ARHGAP39: variants seen among roughly 807,000 people sequenced by gnomAD.
ARHGAP39 encodes rho GTPase-activating protein 39.
ARHGAP39 carries 44 observed loss-of-function variants against 106.9 expected under a neutral mutation model. The ratio of observed to expected loss-of-function variants is 0.41; its 90% CI spans 0.32 to 0.53. The LOEUF (loss-of-function observed/expected upper bound fraction) is 0.53, where lower values mean the gene tolerates loss of function less well. Among genes scored for constraint, ARHGAP39 ranks in the 20% least tolerant of loss-of-function variants. The probability of loss-of-function intolerance (pLI) is 0.21; values close to 1 mark genes in which losing one functional copy is unlikely to be tolerated. For synonymous variants in ARHGAP39, 768 were observed against 693.2 expected, an observed-to-expected ratio of 1.11 and a Z score of -1.69; for missense variants, 1,496 against 1,577.3, an observed-to-expected ratio of 0.95 and a Z score of 0.87.
chr8:144,626,835 G>A (rs1035621536), intron 1 of ARHGAP39, among the ~76,000 whole-genome samples: 3 of 152,158 alleles, frequency 2.0e-5, no homozygotes, highest in Non-Finnish European at 4.4e-5. Context: ...TCCCCCTCCT[G>A]ACACTTGAGT....
intron 1 of ARHGAP39, among the ~76,000 whole-genome samples, chr8:144,685,259 ACTCACT>A: frequency 7.6e-6 from 1 of 132,090 alleles, no homozygotes; most frequent in South Asian, 2.6e-4. Flanking sequence ...GCACACTCAC[ACTCACT>A]CTGGACAGGG....
In ARHGAP39 at chr8:144,605,540, G is replaced by A; in HGVS notation, c.75C>T (p.Asn25=). ...CAGGTCGGTCGGCTCCTTACCGAGT[G>A]TTCGACCCTGGAATCCTCGACTCCG... ...DLPESRIPGS[N]TRLEWVEIIE... Residue 25 remains asparagine, a synonymous_variant, in exon 2 of 12, where the codon AAC becomes AAT. Transcript: ENST00000377307. 2.5e-6 allele frequency: 4 copies of A among 1,613,880 alleles called. No homozygotes were observed. Among genetic ancestry groups the A allele is most frequent in the Non-Finnish European group, 3.4e-6 (4 of 1,180,026 alleles).
chr8:144,577,372 G>A (rs2130893995), intron 3 of ARHGAP39, among the ~76,000 whole-genome samples: 1 of 152,230 alleles, frequency 6.6e-6, no homozygotes, highest in Non-Finnish European at 1.5e-5. Flanking sequence ...ATACAGAAAA[G>A]GCATTGACAA....
At chr8:144,689,291 C>G (rs1035269804), upstream of ARHGAP39, among the ~76,000 whole-genome samples, 5 of 152,066 alleles carry the variant, frequency 3.3e-5, no homozygotes, top group Non-Finnish European at 4.4e-5. Context: ...AGCCATCACA[C>G]CACTCCCAGC....
chr8:144,553,792 C>T lies in ARHGAP39; in HGVS notation c.596+1768G>A, dbSNP rs113944000. Among the ~76,000 whole-genome samples, 670 of 152,378 alleles carry T rather than the reference C, an allele frequency of 4.4e-3. 6 individuals are homozygous for T. The highest frequency in any genetic ancestry group is 0.015 in the African/African-American group (633 of 41,588). ...GCCAGGGATCACCCTCAGGGATGCA[C>T]GGCACTACTGACAGCAAACACTGGG... is the stretch of plus-strand genomic sequence containing the variant. On this transcript the variant is annotated intron_variant, in intron 4 of 11. Transcript: ENST00000377307.
intron 1 of ARHGAP39, among the ~76,000 whole-genome samples, chr8:144,676,969 C>G (rs1822259337): frequency 6.6e-6 from 1 of 152,268 alleles, no homozygotes; most frequent in African/African-American, 2.4e-5. Context: ...AGGGTTTCAC[C>G]ATGTTGGTCA....
chr8:144,530,991 A>C, intron 10 of ARHGAP39, 120 bp from the exon 11 acceptor site: 37 of 1,290,964 alleles, frequency 2.9e-5, no homozygotes, highest in Non-Finnish European at 3.3e-5. Flanking sequence ...GGGCCGGCTC[A>C]TTCTGGACAG....
chr8:144,659,369 A>T (rs1337645430), intron 1 of ARHGAP39, among the ~76,000 whole-genome samples: 1 of 152,200 alleles, frequency 6.6e-6, no homozygotes, highest in Non-Finnish European at 1.5e-5. Flanking sequence ...TTCTTAACAC[A>T]ATTAGATATG....
intron 1 of ARHGAP39, among the ~76,000 whole-genome samples, chr8:144,658,976 CA>C: frequency 6.6e-6 from 1 of 152,152 alleles, no homozygotes; most frequent in East Asian, 1.9e-4. Flanking sequence ...GGACCTGAAT[CA>C]TGGGGAGGTG....
At chr8:144,678,642 A>C (rs1822306170) in intron 1 of ARHGAP39, among the ~76,000 whole-genome samples, 1 of 152,102 alleles carries the variant, frequency 6.6e-6, no homozygotes, top group South Asian at 2.1e-4. Context: ...CAGCAGAGTC[A>C]CTCGCCTAGA....
At chr8:144,626,925 G>C (rs1820933089) in intron 1 of ARHGAP39, among the ~76,000 whole-genome samples, 1 of 152,234 alleles carries the variant, frequency 6.6e-6, no homozygotes, top group Non-Finnish European at 1.5e-5. Context: ...GCCCCCACAA[G>C]ACATCCCTGA....
intron 1 of ARHGAP39, among the ~76,000 whole-genome samples, chr8:144,634,125 G>A (rs62529931): frequency 0.011 from 1,705 of 151,046 alleles, 32 homozygotes; most frequent in Non-Finnish European, 0.016. Context: ...CTCTGCTGGC[G>A]CATTCTCCAC....
At chr8:144,665,423 T>TC (rs1180518368) in intron 1 of ARHGAP39, among the ~76,000 whole-genome samples, 1 of 152,134 alleles carries the variant, frequency 6.6e-6, no homozygotes, top group Non-Finnish European at 1.5e-5. Flanking sequence ...TGAATGTCAA[T>TC]CCCCAAGACC....
rs534007742 is a variant in ARHGAP39, at chr8:144,542,602, TTTTC to T, written c.2521+2643_2521+2646del. On this transcript the variant is annotated intron_variant, in intron 6 of 11. Transcript: ENST00000377307. ...TCCTTTCTCTTCTCTTCCTTCCTGC[TTTTC>T]TTTCTTTCTTTTTCCTACCCGCCCC... Among the ~76,000 whole-genome samples the T allele has an allele frequency of 6.8e-4, 104 of 152,236 alleles. 1 individual carries two copies. The highest frequency in any genetic ancestry group is 1.1e-3 in the Non-Finnish European group (72 of 68,002).
chr8:144,692,026 C>T, the ARHGAP39 span, among the ~76,000 whole-genome samples: 1 of 152,160 alleles, frequency 6.6e-6, no homozygotes, highest in African/African-American at 2.4e-5. Context: ...ACACAGGCTC[C>T]TAAAACTGAA....
chr8:144,695,456 G>A, the ARHGAP39 span, among the ~76,000 whole-genome samples: 2 of 149,062 alleles, frequency 1.3e-5, no homozygotes, highest in Admixed American at 1.3e-4. Flanking sequence ...CGAGGCCCAG[G>A]GACTGTCTCT....
intron 2 of ARHGAP39, among the ~76,000 whole-genome samples, chr8:144,600,964 G>C (rs905972921): frequency 2.7e-5 from 4 of 149,516 alleles, no homozygotes; most frequent in Non-Finnish European, 5.9e-5. Context: ...GTATACCTGT[G>C]TGCATGTGCG....
chr8:144,647,031 C>T lies in ARHGAP39; in HGVS notation c.-82+38655G>A, dbSNP rs143074367. Among the ~76,000 whole-genome samples, 43 of 149,906 alleles carry T rather than the reference C, an allele frequency of 2.9e-4. No individual in the cohort carries two copies. The East Asian group carries it at 6.0e-3, about 21-fold the overall frequency. ...ATAGCCAGGCTGGAGTACAACGACA[C>T]CATCTCGGCTCACTGCAAGCTCCGC... On this transcript the variant is annotated intron_variant, in intron 1 of 11. Coordinates refer to ENST00000377307, the MANE Select transcript of ARHGAP39 (RefSeq NM_025251.3). The surrounding 1 kb of genome is among the most constrained non-coding windows in gnomAD (Gnocchi z 4.8).
chr8:144,592,254 C>G (rs917861835), intron 2 of ARHGAP39, among the ~76,000 whole-genome samples: 9 of 151,618 alleles, frequency 5.9e-5, no homozygotes, highest in Non-Finnish European at 4.4e-5. Context: ...TGAGCCCAGA[C>G]CCTCGGGAAA....
Sources: allele counts gnomAD v4.1 joint callset (sites outside exome capture counted in the v4.1 genomes callset), GRCh38; gene constraint gnomAD v4.1.1; non-coding constraint Gnocchi (gnomAD v3.1); transcripts MANE v1.5; gene names NCBI Gene and HGNC (gene_info 2026-07-23, HGNC 2026-07-21).